The following ASTN2 variants were observed in gnomAD, a reference collection of about 807,000 sequenced individuals.
The protein encoded by ASTN2 is astrotactin 2.
A neutral mutation model predicts 139.8 loss-of-function variants in ASTN2; 54 were observed. That is an observed-to-expected ratio of 0.39 (90% confidence interval 0.31 to 0.48). The LOEUF (loss-of-function observed/expected upper bound fraction) is 0.48. ASTN2 is among the 20% of genes least tolerant of loss of function. The pLI, the probability that ASTN2 is intolerant of heterozygous loss-of-function variation, is 0.95. For missense variants in ASTN2, 1,565 were observed against 1,725.1 expected, an observed-to-expected ratio of 0.91 and a Z score of 1.64; for synonymous variants, 756 against 719.5, an observed-to-expected ratio of 1.05 and a Z score of -0.81.
At chr9:116,836,391 T>C (rs1268298840) in intron 11 of ASTN2, among the ~76,000 whole-genome samples, 1 of 152,102 alleles carries the variant, frequency 6.6e-6, no homozygotes, top group Admixed American at 6.5e-5. Context: ...TCACTATCTA[T>C]CATTGAGATT....
At chr9:116,562,465 G>T (rs1239267705) in intron 19 of ASTN2, among the ~76,000 whole-genome samples, 1 of 151,876 alleles carries the variant, frequency 6.6e-6, no homozygotes, top group Non-Finnish European at 1.5e-5. Context: ...GGCTGGGCAC[G>T]GTGGCTCACA....
rs10115263 is a variant in ASTN2, at chr9:116,643,742, C to T, written c.3072+7786G>A. 5.3e-3 allele frequency among the ~76,000 whole-genome samples: 800 copies of T among 152,320 alleles called. 5 individuals carry two copies. The highest frequency in any genetic ancestry group is 0.018 in the African/African-American group (764 of 41,572). On this transcript the variant is annotated intron_variant, in intron 17 of 22. Transcript: ENST00000313400. The stretch of plus-strand genomic sequence containing the variant: ...TATTATTGTCTTCATCATCAAAAAA[C>T]TTGCTTTGCAGTTCTACTATGTGCC...
intron 1 of ASTN2, among the ~76,000 whole-genome samples, chr9:117,308,558 C>T (rs1274504428): frequency 6.6e-6 from 1 of 152,156 alleles, no homozygotes; most frequent in Non-Finnish European, 1.5e-5. Flanking sequence ...ATTTCAAGTG[C>T]ACTTTCAGGA....
At chr9:116,565,885 A>G in intron 19 of ASTN2, among the ~76,000 whole-genome samples, 1 of 152,102 alleles carries the variant, frequency 6.6e-6, no homozygotes, top group East Asian at 1.9e-4. Flanking sequence ...ATGGTGTAGA[A>G]GATCTAGAGA....
chr9:116,595,869 A>C (rs2131741590), intron 19 of ASTN2, among the ~76,000 whole-genome samples: 1 of 152,318 alleles, frequency 6.6e-6, no homozygotes, highest in Non-Finnish European at 1.5e-5. Context: ...AACAGTATGC[A>C]GGTTCCTGAA....
At chr9:116,979,962 C>G (rs1375535787) in intron 7 of ASTN2, among the ~76,000 whole-genome samples, 1 of 152,140 alleles carries the variant, frequency 6.6e-6, no homozygotes, top group Non-Finnish European at 1.5e-5. Flanking sequence ...CAAGTTTTCC[C>G]TGACTCAGAA....
intron 6 of ASTN2, among the ~76,000 whole-genome samples, chr9:117,014,325 C>G (rs150043887): frequency 6.6e-6 from 1 of 152,240 alleles, no homozygotes; most frequent in African/African-American, 2.4e-5. Context: ...GGTGATAGAA[C>G]TGCAAAAATG....
At chr9:117,181,146 A>G in intron 3 of ASTN2, 2 of 771,382 alleles carry the variant, frequency 2.6e-6, no homozygotes, top group Non-Finnish European at 4.6e-6. Flanking sequence ...GTTTGCAGCC[A>G]TTGCACAATG....
At chr9:116,649,140 C>T (rs551159914) in intron 17 of ASTN2, among the ~76,000 whole-genome samples, 2 of 152,324 alleles carry the variant, frequency 1.3e-5, no homozygotes, top group Non-Finnish European at 2.9e-5. Flanking sequence ...CACCATCATC[C>T]TGTCTCCTAT....
chr9:117,249,896 A>T (rs1833490696), intron 2 of ASTN2, among the ~76,000 whole-genome samples: 1 of 151,978 alleles, frequency 6.6e-6, no homozygotes, highest in Non-Finnish European at 1.5e-5. Flanking sequence ...TCTAAGTGGC[A>T]TTCTCCCCAG....
At chr9:116,792,315 T>A (rs1244494226) in intron 13 of ASTN2, among the ~76,000 whole-genome samples, 1 of 152,202 alleles carries the variant, frequency 6.6e-6, no homozygotes, top group African/African-American at 2.4e-5. Context: ...CAGGCCAATG[T>A]CTTCTCCTAA....
chr9:116,875,992 T>G (rs1313271345), intron 10 of ASTN2, among the ~76,000 whole-genome samples: 2 of 152,232 alleles, frequency 1.3e-5, no homozygotes, highest in Non-Finnish European at 2.9e-5. Context: ...ATTTCAAGTC[T>G]TATTATTTAA....
chr9:117,168,639 A>C (rs1830721986), intron 3 of ASTN2, among the ~76,000 whole-genome samples: 1 of 152,106 alleles, frequency 6.6e-6, no homozygotes, highest in Non-Finnish European at 1.5e-5. Flanking sequence ...CAATCCAGGG[A>C]CCTCATGTTA....
chr9:116,725,566 G>A (rs891762039), intron 16 of ASTN2, among the ~76,000 whole-genome samples: 6 of 152,142 alleles, frequency 3.9e-5, no homozygotes, highest in Admixed American at 1.3e-4. Context: ...CCTGACTTGA[G>A]AGAATCCTGC....
chr9:117,146,294 A>G (rs932177965), intron 3 of ASTN2, among the ~76,000 whole-genome samples: 2 of 152,044 alleles, frequency 1.3e-5, no homozygotes, highest in African/African-American at 2.4e-5. Flanking sequence ...TGATCTGAGC[A>G]TCGCGGCAGG....
chr9:116,643,923 C>T (rs10817917), intron 17 of ASTN2, among the ~76,000 whole-genome samples: 11,370 of 152,120 alleles, frequency 0.075, 471 homozygotes, highest in East Asian at 0.15. Flanking sequence ...CATATGTGTC[C>T]TTGTTACTAG....
chr9:117,053,372 A>G (rs535104313), intron 5 of ASTN2, among the ~76,000 whole-genome samples: 1 of 152,238 alleles, frequency 6.6e-6, no homozygotes, highest in South Asian at 2.1e-4. Flanking sequence ...AGATCGCTTG[A>G]GCCCAGGAGT....
At chr9:116,981,852 C>T (rs1836520759) in intron 7 of ASTN2, among the ~76,000 whole-genome samples, 1 of 152,198 alleles carries the variant, frequency 6.6e-6, no homozygotes, top group Non-Finnish European at 1.5e-5. Context: ...AATTTACTCT[C>T]TTCACTATAT....
At chr9:117,135,332 T>C (rs142470178) in intron 4 of ASTN2, among the ~76,000 whole-genome samples, 5 of 152,166 alleles carry the variant, frequency 3.3e-5, no homozygotes, top group African/African-American at 1.2e-4. Context: ...TATGGGTTAT[T>C]GGGAAGTTTT....
Sources: gnomAD v4.1 joint callset for allele counts (sites outside exome capture counted in the v4.1 genomes callset) on GRCh38, gnomAD v4.1.1 for gene constraint, MANE v1.5 for transcripts, NCBI Gene and HGNC (gene_info 2026-07-23, HGNC 2026-07-21) for gene names.